TRABD2B: variants seen among roughly 807,000 people sequenced by gnomAD.
The protein encoded by TRABD2B is metalloprotease TIKI2.
In TRABD2B, 14 loss-of-function variants were observed where a neutral mutation model predicts 40.1. That is an observed-to-expected ratio of 0.35 (90% CI 0.23 to 0.55). TRABD2B has a LOEUF of 0.55. Ranked by LOEUF, TRABD2B falls within the 20% of genes least tolerant of loss-of-function variation. The pLI, the probability that TRABD2B is intolerant of heterozygous loss-of-function variation, is 0.90. For missense variants in TRABD2B, 541 were observed against 648.6 expected (o/e 0.83, Z 1.80); for synonymous variants, 263 against 277.0 (o/e 0.95, Z 0.50).
At chr1:47,931,185 G>A (rs538278968) in intron 2 of TRABD2B, among the ~76,000 whole-genome samples, 2 of 152,290 alleles carry the variant, frequency 1.3e-5, no homozygotes, top group East Asian at 3.9e-4. Flanking sequence ...TGTAGAATAG[G>A]CCACTTGTCC....
At chr1:47,904,594 C>T (rs778871469) in intron 2 of TRABD2B, among the ~76,000 whole-genome samples, 7 of 151,804 alleles carry the variant, frequency 4.6e-5, no homozygotes, top group South Asian at 2.1e-4. Flanking sequence ...CTGGGGCTCT[C>T]GCTGTTCACC....
chr1:47,836,257 G>C (rs1055563223), intron 2 of TRABD2B, among the ~76,000 whole-genome samples: 7 of 152,244 alleles, frequency 4.6e-5, no homozygotes, highest in South Asian at 4.2e-4. Flanking sequence ...CTTTCAAATG[G>C]GGATAACTAT....
chr1:47,785,984 T>C (rs1243976833), intron 4 of TRABD2B, among the ~76,000 whole-genome samples: 1 of 152,208 alleles, frequency 6.6e-6, no homozygotes, highest in Admixed American at 6.5e-5. Flanking sequence ...CCCCAGTGGC[T>C]CTACTGTCTC....
intron 2 of TRABD2B, among the ~76,000 whole-genome samples, chr1:47,972,347 T>C (rs1398292793): frequency 6.6e-6 from 1 of 151,104 alleles, no homozygotes; most frequent in Non-Finnish European, 1.5e-5. Context: ...TTTTCAGCAC[T>C]GTTATGTACT....
chr1:47,983,044 T>C lies in TRABD2B; in HGVS notation c.666+10990A>G, dbSNP rs1026804446. On this transcript the variant is annotated intron_variant, in intron 2 of 6. Transcript: ENST00000606738. ...GAGACACAGGTTTGCTAATGTTCAC[T>C]GCAGCACTATTCACAATAGCAAAGA... is the stretch of plus-strand genomic sequence containing the variant. Among the ~76,000 whole-genome samples the C allele has an allele frequency of 3.9e-5, 6 of 152,358 alleles. No homozygotes were observed. The South Asian group carries it at 8.3e-4, about 21-fold the overall frequency.
At chr1:47,933,636 T>C (rs1450591478) in intron 2 of TRABD2B, among the ~76,000 whole-genome samples, 2 of 152,168 alleles carry the variant, frequency 1.3e-5, no homozygotes, top group Admixed American at 1.3e-4. Context: ...CTCCCTCTAG[T>C]CCTATGTAGG....
At chr1:47,848,009 TAA>T (rs947771697) in intron 2 of TRABD2B, among the ~76,000 whole-genome samples, 2 of 152,174 alleles carry the variant, frequency 1.3e-5, no homozygotes, top group African/African-American at 2.4e-5. Flanking sequence ...CAAACTCTTC[TAA>T]GAGACGTCTC....
At position 47,978,598 on chromosome 1, in the gene TRABD2B, T is replaced by C. The variant is rs531353235; in HGVS notation, c.666+15436A>G. Among the ~76,000 whole-genome samples, 6 of 152,318 alleles carry C rather than the reference T, an allele frequency of 3.9e-5. No homozygotes were observed. The East Asian group carries it at 9.7e-4, about 25-fold the overall frequency. On this transcript the variant is annotated intron_variant, in intron 2 of 6. Coordinates refer to ENST00000606738, the MANE Select transcript of TRABD2B (RefSeq NM_001194986.2). ...GGTCAGCACACACAGAGAATCTCAC[T>C]TTGTTTACATGAGACAGAGAGTGTG...
At chr1:47,975,828 G>A (rs1645747945) in intron 2 of TRABD2B, among the ~76,000 whole-genome samples, 1 of 152,164 alleles carries the variant, frequency 6.6e-6, no homozygotes, top group African/African-American at 2.4e-5. Flanking sequence ...GGTAGTCAAA[G>A]AGGCCTTCCT....
intron 2 of TRABD2B, among the ~76,000 whole-genome samples, chr1:47,849,477 C>A (rs1409702802): frequency 6.6e-6 from 1 of 152,166 alleles, no homozygotes; most frequent in Non-Finnish European, 1.5e-5. Flanking sequence ...TTCTTTGTTA[C>A]GGCAGTCTCA....
intron 2 of TRABD2B, among the ~76,000 whole-genome samples, chr1:47,905,608 G>C (rs1341712856): frequency 1.3e-5 from 2 of 152,160 alleles, no homozygotes; most frequent in Non-Finnish European, 2.9e-5. Context: ...CTTTGCACCT[G>C]ATGCCACAAT....
intron 2 of TRABD2B, chr1:47,818,034 G>A (rs901094715): frequency 1.3e-5 from 2 of 152,346 alleles, no homozygotes; most frequent in Non-Finnish European, 2.9e-5. Flanking sequence ...AAGAGAGCAG[G>A]GCTGTGTGCC....
At chr1:47,791,407 C>G (rs146334865) in intron 4 of TRABD2B, among the ~76,000 whole-genome samples, 16 of 152,338 alleles carry the variant, frequency 1.1e-4, no homozygotes, top group African/African-American at 3.8e-4. Flanking sequence ...TACCCATGGA[C>G]TCTAGGCTTG....
At chr1:47,899,021 G>C (rs1265375180) in intron 2 of TRABD2B, among the ~76,000 whole-genome samples, 9 of 152,212 alleles carry the variant, frequency 5.9e-5, no homozygotes, top group Non-Finnish European at 8.8e-5. Context: ...GTTGGAGAAG[G>C]CCTTACATCC....
chr1:47,830,139 A>G (rs1645229346), intron 2 of TRABD2B, among the ~76,000 whole-genome samples: 1 of 152,168 alleles, frequency 6.6e-6, no homozygotes, highest in Non-Finnish European at 1.5e-5. Context: ...CTGGGGTCTT[A>G]CTGCCTTGCC....
intron 2 of TRABD2B, among the ~76,000 whole-genome samples, chr1:47,943,741 T>C (rs925406260): frequency 2.1e-5 from 3 of 144,838 alleles, no homozygotes; most frequent in Admixed American, 7.2e-5. Flanking sequence ...CAACTATACG[T>C]GAGATGCATC....
intron 2 of TRABD2B, among the ~76,000 whole-genome samples, chr1:47,822,356 G>C (rs953131368): frequency 6.6e-6 from 1 of 152,196 alleles, no homozygotes; most frequent in Non-Finnish European, 1.5e-5. Flanking sequence ...TGGTTTTTAG[G>C]TTCTGGAGTG....
chr1:47,889,637 T>C (rs998920636), intron 2 of TRABD2B, among the ~76,000 whole-genome samples: 2 of 152,200 alleles, frequency 1.3e-5, no homozygotes, highest in Non-Finnish European at 2.9e-5. Flanking sequence ...CAAAGATGCA[T>C]AGCTGCTGAG....
intron 2 of TRABD2B, among the ~76,000 whole-genome samples, chr1:47,814,708 CCGGA>C (rs1219521865): frequency 1.3e-5 from 2 of 152,174 alleles, no homozygotes. Flanking sequence ...CCCAGAATGG[CCGGA>C]AGAAAAGAAG....
Sources: allele counts gnomAD v4.1 joint callset (sites outside exome capture counted in the v4.1 genomes callset), GRCh38; gene constraint gnomAD v4.1.1; transcripts MANE v1.5; gene names NCBI Gene and HGNC (gene_info 2026-07-23, HGNC 2026-07-21).